Variants in ARHGEF9 observed in about 807,000 individuals in gnomAD.
ARHGEF9 encodes Cdc42 guanine nucleotide exchange factor 9.
ARHGEF9 carries 2 observed loss-of-function variants against 41.3 expected under a neutral mutation model. That is an observed-to-expected ratio of 0.05 (90% confidence interval 0.02 to 0.15). ARHGEF9 has a LOEUF of 0.15. Among genes scored for constraint, ARHGEF9 ranks in the 10% least tolerant of loss-of-function variants. ARHGEF9 has a pLI of 1.00. For missense variants in ARHGEF9, 225 were observed against 424.7 expected (o/e 0.53, Z 4.13); for synonymous variants, 160 against 154.4 (o/e 1.04, Z -0.27).
At chrX:63,761,874 T>G (rs1243755063) in intron 1 of ARHGEF9, among the ~76,000 whole-genome samples, 9 of 112,243 alleles carry the variant, frequency 8.0e-5, no homozygotes, top group Non-Finnish European at 1.5e-4. Flanking sequence ...TCAGTTCTAT[T>G]TCAAGCAAGC....
chrX:63,734,439 C>T (rs2054494220), intron 1 of ARHGEF9, among the ~76,000 whole-genome samples: 1 of 112,052 alleles, frequency 8.9e-6, no homozygotes, highest in African/African-American at 3.2e-5. Context: ...ATGTGAGGTC[C>T]ACAGACCCCT....
chrX:63,754,726 C>A, intron 1 of ARHGEF9: 2 of 944,743 alleles, frequency 2.1e-6, no homozygotes, highest in Admixed American at 1.1e-4. Context: ...CTGGGTTTGG[C>A]GCCCGAGTTT....
intron 1 of ARHGEF9, among the ~76,000 whole-genome samples, chrX:63,764,517 C>T (rs1487024269): frequency 3.6e-5 from 4 of 112,236 alleles, no homozygotes; most frequent in South Asian, 3.7e-4. Context: ...GATATATGCA[C>T]GTGTATGTTC....
chrX:63,667,334 T>C (rs1254623351), intron 6 of ARHGEF9, among the ~76,000 whole-genome samples: 6 of 111,421 alleles, frequency 5.4e-5, no homozygotes, highest in Admixed American at 1.9e-4. Flanking sequence ...TGGGGCTCCA[T>C]AGAATATGCT....
chrX:63,719,829 C>T, intron 2 of ARHGEF9: 1 of 295,530 alleles, frequency 3.4e-6, no homozygotes, highest in Non-Finnish European at 5.9e-6. Flanking sequence ...TGACCTCTGG[C>T]TGGAGAGGCT....
intron 1 of ARHGEF9, among the ~76,000 whole-genome samples, chrX:63,746,413 C>G (rs1389437161): frequency 9.0e-5 from 10 of 111,605 alleles, no homozygotes; most frequent in South Asian, 3.8e-4. Flanking sequence ...TCAGTAAAAC[C>G]CCTTTAATTC....
In ARHGEF9 at chrX:63,635,185, C is replaced by T; in HGVS notation, c.*2843G>A. On this transcript the variant is annotated 3_prime_UTR_variant, in exon 10 of 10. Coordinates refer to ENST00000671741, the MANE Select transcript of ARHGEF9 (RefSeq NM_001353921.2). ...TCCATCCACCCCAGCCCACCCCATC[C>T]CCAAAGCACTAAAAGATCACTATTT... 1 of 364,491 alleles carries T rather than the reference C, an allele frequency of 2.7e-6. No individual in the cohort carries two copies. The highest frequency in any genetic ancestry group is 2.8e-5 in the African/African-American group (1 of 36,126). The allele number at this position is 364,491 out of a possible 1,213,427, so 30.0% of individuals were successfully genotyped here. A position where few individuals can be genotyped will look rare whatever the true frequency, so the allele number is the denominator to read the frequency against.
At chrX:63,668,761 C>A (rs1197150630) in intron 6 of ARHGEF9, among the ~76,000 whole-genome samples, 2 of 112,311 alleles carry the variant, frequency 1.8e-5, no homozygotes, top group Non-Finnish European at 3.8e-5. Flanking sequence ...AATATAGCAA[C>A]CCAGTAAGTG....
chrX:63,649,860 G>A (rs1274967496), intron 8 of ARHGEF9, among the ~76,000 whole-genome samples: 2 of 111,510 alleles, frequency 1.8e-5, no homozygotes, highest in East Asian at 2.8e-4. Context: ...CAAATTCCTC[G>A]ACACATACAC....
intron 1 of ARHGEF9, among the ~76,000 whole-genome samples, chrX:63,731,187 G>A (rs2054258748): frequency 1.8e-5 from 2 of 111,836 alleles, no homozygotes; most frequent in African/African-American, 6.5e-5. Flanking sequence ...TGCCTATGAG[G>A]TTTTCTCAGG....
intron 1 of ARHGEF9, among the ~76,000 whole-genome samples, chrX:63,734,462 C>T (rs782424188): frequency 5.4e-5 from 6 of 112,047 alleles, no homozygotes; most frequent in South Asian, 3.8e-4. Flanking sequence ...TCAGAACCAC[C>T]GTACCATATT....
At chrX:63,639,449 T>G (rs2047486956) in intron 9 of ARHGEF9, 1 of 111,933 alleles carries the variant, frequency 8.9e-6, no homozygotes, top group Non-Finnish European at 1.9e-5. Flanking sequence ...GTGTACTCTT[T>G]ACCCAGTTTT....
intron 1 of ARHGEF9, among the ~76,000 whole-genome samples, chrX:63,753,791 G>A (rs2055804420): frequency 9.0e-6 from 1 of 111,727 alleles, no homozygotes; most frequent in Non-Finnish European, 1.9e-5. Flanking sequence ...GAACCCTGGA[G>A]AGCAAATTGA....
intron 1 of ARHGEF9, chrX:63,767,515 A>G: frequency 4.2e-6 from 1 of 236,490 alleles, no homozygotes; most frequent in Admixed American, 5.6e-5. Flanking sequence ...CTTATAAACA[A>G]TTCACCCTTT....
At chrX:63,733,167 G>C (rs1371792069) in intron 1 of ARHGEF9, among the ~76,000 whole-genome samples, 6 of 112,408 alleles carry the variant, frequency 5.3e-5, no homozygotes, top group Non-Finnish European at 9.4e-5. Flanking sequence ...GTTCTGACTT[G>C]AGTTCTAAAA....
At chrX:63,749,532 T>TCC (rs2055484845) in intron 1 of ARHGEF9, among the ~76,000 whole-genome samples, 1 of 112,019 alleles carries the variant, frequency 8.9e-6, no homozygotes, top group Non-Finnish European at 1.9e-5. Context: ...CGTCAGGCCC[T>TCC]CCCTCCCTAC....
At chrX:63,757,099 C>T (rs185135859) in intron 1 of ARHGEF9, among the ~76,000 whole-genome samples, 1 of 112,022 alleles carries the variant, frequency 8.9e-6, no homozygotes, top group African/African-American at 3.2e-5. Context: ...TCACTTCCTG[C>T]ATGGGTTCTT....
chrX:63,749,018 C>T (rs1401689267), intron 1 of ARHGEF9, among the ~76,000 whole-genome samples: 1 of 112,325 alleles, frequency 8.9e-6, no homozygotes, highest in Non-Finnish European at 1.9e-5. Flanking sequence ...CAGCAATTCA[C>T]ACTGGCCTCT....
chrX:63,681,157 C>A (rs1352885789), intron 4 of ARHGEF9, among the ~76,000 whole-genome samples: 1 of 111,499 alleles, frequency 9.0e-6, no homozygotes, highest in African/African-American at 3.3e-5. Context: ...GCAAGTACTA[C>A]CTCCTTGGAT....
Sources: gnomAD v4.1 joint callset for allele counts (sites outside exome capture counted in the v4.1 genomes callset) on GRCh38, gnomAD v4.1.1 for gene constraint, MANE v1.5 for transcripts, NCBI Gene and HGNC (gene_info 2026-07-23, HGNC 2026-07-21) for gene names.